Variants in KRTAP4-1 observed in about 807,000 individuals in gnomAD.
KRTAP4-1 encodes keratin associated protein 4-1.
For synonymous variants in KRTAP4-1, 52 were observed against 58.3 expected, an observed-to-expected ratio of 0.89 and a Z score of 0.50; for missense variants, 155 against 181.3, an observed-to-expected ratio of 0.85 and a Z score of 0.83.
rs571636030 is a variant in KRTAP4-1, at chr17:41,184,811, C to T, written c.44G>A (p.Cys15Tyr). 6.2e-6 allele frequency: 10 copies of T among 1,614,198 alleles called. No individual in the cohort carries two copies. In the East Asian group the frequency reaches 1.3e-4, roughly 22 times the overall value. Residue 15 changes from cysteine (C) to tyrosine (Y), a missense_variant, in exon 1 of 1, where the codon TGT becomes TAT. Physicochemically the swap from Cys to Tyr is radical, Grantham distance 194. Transcript: ENST00000398472. ...CCGSVCSDQGCDQGLCQETCC... is the reference protein window; with the variant it reads ...CCGSVCSDQGYDQGLCQETCC... ...GGTCTCTTGGCAGAGGCCTTGATCACAGCCCTGGTCAGAGCAGACAGAGCC... is the reference window on the plus strand; with the variant it reads ...GGTCTCTTGGCAGAGGCCTTGATCATAGCCCTGGTCAGAGCAGACAGAGCC...
the KRTAP4-1 span, chr17:41,184,644 G>A: frequency 1.8e-5 from 29 of 1,599,322 alleles, 1 homozygote; most frequent in Non-Finnish European, 2.4e-5. Context: ...CAGGTGGTCT[G>A]ACAACAGACT....
Position 41,184,815 on chromosome 17 carries a change from C to A in KRTAP4-1, c.40G>T (p.Gly14Cys), listed in dbSNP as rs61750930. The change falls in exon 1 of 1, where the codon GGC becomes TGC. Residue 14 changes from glycine to cysteine, a missense_variant. Gly to Cys is a radical substitution (Grantham distance 159). Coordinates refer to ENST00000398472, the MANE Select transcript of KRTAP4-1 (RefSeq NM_001386841.1). ...SCCGSVCSDQ[G>C]CDQGLCQETC... ...TCTTGGCAGAGGCCTTGATCACAGC[C>A]CTGGTCAGAGCAGACAGAGCCACAA... 6.8e-6 allele frequency: 11 copies of A among 1,614,172 alleles called. No homozygotes were observed. The highest frequency in any genetic ancestry group is 8.5e-6 in the Non-Finnish European group (10 of 1,180,024).
At position 41,184,454 on chromosome 17, in the gene KRTAP4-1, G is replaced by C; in HGVS notation, c.401C>G (p.Ala134Gly). 1.2e-6 allele frequency: 2 copies of C among 1,605,986 alleles called. No individual in the cohort carries two copies. Among genetic ancestry groups the C allele is most frequent in the South Asian group, 1.1e-5 (1 of 90,510 alleles). Reference protein sequence around the residue: ...PLCCQTTCCRATCCRPSCCGS... With the variant: ...PLCCQTTCCRGTCCRPSCCGS... ...ACAGCAGCTGGGGCGGCAGCAAGTT[G>C]CACGGCAGCAGGTGGTCTGACAGCA... is the stretch of plus-strand genomic sequence containing the variant. Residue 134 changes from alanine (A) to glycine (G), a missense_variant, in exon 1 of 1, where the codon GCA becomes GGA. Transcript: ENST00000398472.
In KRTAP4-1 at chr17:41,184,898, A is replaced by T. The variant is rs1385831549; in HGVS notation, c.-44T>A. 2 of 1,609,082 alleles carry T rather than the reference A, an allele frequency of 1.2e-6. No homozygotes were observed. Among genetic ancestry groups the T allele is most frequent in the Non-Finnish European group, 1.7e-6 (2 of 1,177,344 alleles). On this transcript the variant is annotated 5_prime_UTR_variant, in exon 1 of 1. Transcript: ENST00000398472. ...TTCTAGGTAGGTTTCCAAGACAGTG[A>T]GTTTTTCGAATGTGGGAATCTCCTT...
In KRTAP4-1 at chr17:41,184,448, C is replaced by A; in HGVS notation, c.407G>T (p.Cys136Phe). 6.2e-7 allele frequency: 1 copy of A among 1,605,910 alleles called. No homozygotes were observed. ...GGATCCACAGCAGCTGGGGCGGCAG[C>A]AAGTTGCACGGCAGCAGGTGGTCTG... is the stretch of plus-strand genomic sequence containing the variant. The part of the protein sequence containing the change: ...CCQTTCCRAT[C>F]CRPSCCGSSC The change falls in exon 1 of 1, where the codon TGC (cysteine) becomes TTC (phenylalanine). Residue 136 changes from cysteine (C) to phenylalanine (F), a missense_variant. Physicochemically the swap from Cys to Phe is radical, Grantham distance 205. Coordinates refer to ENST00000398472, the MANE Select transcript of KRTAP4-1 (RefSeq NM_001386841.1).
Position 41,184,503 on chromosome 17 carries a change from C to A in KRTAP4-1, c.352G>T (p.Val118Leu). The A allele has an allele frequency of 6.2e-7, 1 of 1,607,992 alleles. No individual in the cohort carries two copies. The highest frequency in any genetic ancestry group is 8.5e-7 in the Non-Finnish European group (1 of 1,178,234). The part of the protein sequence containing the change: ...CQTTCRPSCG[V>L]SSCCRPLCCQ... ...CAGAGTGGACGGCAGCAGCTGGACACACCACAGCTGGGGCGGCAGGTGGTC... is the reference window on the plus strand; with the variant it reads ...CAGAGTGGACGGCAGCAGCTGGACAAACCACAGCTGGGGCGGCAGGTGGTC... The change falls in exon 1 of 1, where the codon GTG becomes TTG. Residue 118 changes from valine to leucine, a missense_variant. By Grantham distance (32) the Val-to-Leu change is conservative. Coordinates refer to ENST00000398472, the MANE Select transcript of KRTAP4-1 (RefSeq NM_001386841.1).
chr17:41,184,678 G>A lies in KRTAP4-1; in HGVS notation c.177C>T (p.Cys59=). 5.6e-6 allele frequency: 9 copies of A among 1,612,098 alleles called. No individual in the cohort carries two copies. The highest frequency in any genetic ancestry group is 7.6e-6 in the Non-Finnish European group (9 of 1,178,570). Residue 59 remains cysteine, a synonymous_variant, in exon 1 of 1, where the codon TGC becomes TGT. Coordinates refer to ENST00000398472, the MANE Select transcript of KRTAP4-1 (RefSeq NM_001386841.1). ...CSQTTCCQTT[C]CRPSCCHPVC... ...CTGGGTGGCAGCAGCTGGGGCGACA[G>A]CAAGTGGTCTGGCAGCAGGTAGTCT...
Position 41,184,786 on chromosome 17 carries a change from G to T in KRTAP4-1, c.69C>A (p.Thr23=). 6.2e-7 allele frequency: 1 copy of T among 1,614,224 alleles called. No homozygotes were observed. The highest frequency in any genetic ancestry group is 8.5e-7 in the Non-Finnish European group (1 of 1,180,028). ...TCTGGCAGCAGCTGGGGCGGCAGCAGGTCTCTTGGCAGAGGCCTTGATCAC... is the reference window on the plus strand; with the variant it reads ...TCTGGCAGCAGCTGGGGCGGCAGCATGTCTCTTGGCAGAGGCCTTGATCAC... ...QGCDQGLCQE[T]CCRPSCCQTT... is the part of the protein sequence containing the mutation. Residue 23 remains threonine (T), a synonymous_variant, in exon 1 of 1, where the codon ACC becomes ACA. Coordinates refer to ENST00000398472, the MANE Select transcript of KRTAP4-1 (RefSeq NM_001386841.1).
In KRTAP4-1 at chr17:41,184,263, A is replaced by T; in HGVS notation, c.*151T>A. On this transcript the variant is annotated 3_prime_UTR_variant, in exon 1 of 1. Transcript: ENST00000398472. ...ATCCATGGGAAAAATGAGTGGTATT[A>T]AATGTAGATGGATGCCCTTTCACCA... 7.5e-7 allele frequency: 1 copy of T among 1,334,956 alleles called. No individual in the cohort carries two copies. The highest frequency in any genetic ancestry group is 1.0e-6 in the Non-Finnish European group (1 of 976,180). The allele number at this position is 1,334,956 out of a possible 1,614,324, so 82.7% of individuals were successfully genotyped here.
chr17:41,184,840 A>G lies in KRTAP4-1; in HGVS notation c.15T>C (p.Cys5=), dbSNP rs759100768. The G allele has an allele frequency of 1.6e-5, 26 of 1,613,968 alleles. No homozygotes were observed. The Admixed American group carries it at 3.8e-4, about 24-fold the overall frequency. Reference sequence around the variant, plus strand: ...CCTGGTCAGAGCAGACAGAGCCACAACAAGAGTTAACCATGGTGTCAGAGG... The same window carrying G: ...CCTGGTCAGAGCAGACAGAGCCACAGCAAGAGTTAACCATGGTGTCAGAGG... MVNS[C]CGSVCSDQGC... is the part of the protein sequence containing the mutation. The change falls in exon 1 of 1, where the codon TGT becomes TGC. Residue 5 remains cysteine, a synonymous_variant. Coordinates refer to ENST00000398472, the MANE Select transcript of KRTAP4-1 (RefSeq NM_001386841.1).
In KRTAP4-1 at chr17:41,184,757, G is replaced by C. The variant is rs2015255629; in HGVS notation, c.98C>G (p.Thr33Ser). ...TACAACACAGCTGGGGCAGCAACAGGTGGTCTGGCAGCAGCTGGGGCGGCA... is the reference window on the plus strand; with the variant it reads ...TACAACACAGCTGGGGCAGCAACAGCTGGTCTGGCAGCAGCTGGGGCGGCA... ...TCCRPSCCQT[T>S]CCCPSCVVSS... The change falls in exon 1 of 1, where the codon ACC becomes AGC. Residue 33 changes from threonine to serine, a missense_variant. Physicochemically the swap from Thr to Ser is moderately conservative, Grantham distance 58. Coordinates refer to ENST00000398472, the MANE Select transcript of KRTAP4-1 (RefSeq NM_001386841.1). 8 of 1,613,958 alleles carry C rather than the reference G, an allele frequency of 5.0e-6. No homozygotes were observed. The highest frequency in any genetic ancestry group is 6.8e-6 in the Non-Finnish European group (8 of 1,179,984).
chr17:41,184,472 T>C lies in KRTAP4-1; in HGVS notation c.383A>G (p.Gln128Arg). 1.9e-6 allele frequency: 3 copies of C among 1,610,256 alleles called. No individual in the cohort carries two copies. The highest frequency in any genetic ancestry group is 2.5e-6 in the Non-Finnish European group (3 of 1,177,420). The part of the protein sequence containing the change: ...VSSCCRPLCC[Q>R]TTCCRATCCR... ...GCAAGTTGCACGGCAGCAGGTGGTC[T>C]GACAGCAGAGTGGACGGCAGCAGCT... The change falls in exon 1 of 1, where the codon CAG (glutamine) becomes CGG (arginine). Residue 128 changes from glutamine (Q) to arginine (R), a missense_variant. Gln to Arg is a conservative substitution (Grantham distance 43). Transcript: ENST00000398472.
In KRTAP4-1 at chr17:41,184,558, C is replaced by G; in HGVS notation, c.297G>C (p.Met99Ile). ...AACAGAGTGGACGGCAGCAGCTGGA[C>G]ATACCACAGCTGGGGTGGCAGGTGG... is the stretch of plus-strand genomic sequence containing the variant. Reference protein sequence around the residue: ...CQTTCHPSCGMSSCCRPLCCQ... With the variant: ...CQTTCHPSCGISSCCRPLCCQ... The change falls in exon 1 of 1, where the codon ATG (methionine) becomes ATC (isoleucine). Residue 99 changes from methionine to isoleucine, a missense_variant. Physicochemically the swap from Met to Ile is conservative, Grantham distance 10. Coordinates refer to ENST00000398472, the MANE Select transcript of KRTAP4-1 (RefSeq NM_001386841.1). The G allele has an allele frequency of 3.8e-5, 33 of 863,820 alleles. No individual in the cohort carries two copies. The South Asian group carries it at 6.8e-4, about 18-fold the overall frequency. 53.5% of individuals were successfully genotyped at this position (863,820 alleles called of 1,614,324 possible).
In KRTAP4-1 at chr17:41,184,809, C is replaced by A. The variant is rs757270485; in HGVS notation, c.46G>T (p.Asp16Tyr). 1 of 1,614,226 alleles carries A rather than the reference C, an allele frequency of 6.2e-7. No individual in the cohort carries two copies. Among genetic ancestry groups the A allele is most frequent in the South Asian group, 1.1e-5 (1 of 91,054 alleles). The change falls in exon 1 of 1, where the codon GAT becomes TAT. Residue 16 changes from aspartate to tyrosine, a missense_variant. By Grantham distance (160) the Asp-to-Tyr change is radical (BLOSUM62 -3). Transcript: ENST00000398472. ...CAGGTCTCTTGGCAGAGGCCTTGATCACAGCCCTGGTCAGAGCAGACAGAG... is the reference window on the plus strand; with the variant it reads ...CAGGTCTCTTGGCAGAGGCCTTGATAACAGCCCTGGTCAGAGCAGACAGAG... ...CGSVCSDQGC[D>Y]QGLCQETCCR... is the part of the protein sequence containing the mutation.
Position 41,184,682 on chromosome 17 carries a change from G to A in KRTAP4-1, c.173C>T (p.Thr58Ile), listed in dbSNP as rs371528617. The A allele has an allele frequency of 1.9e-6, 3 of 1,612,196 alleles. No individual in the cohort carries two copies. Among genetic ancestry groups the A allele is most frequent in the East Asian group, 4.5e-5 (2 of 44,792 alleles). ...GTGGCAGCAGCTGGGGCGACAGCAA[G>A]TGGTCTGGCAGCAGGTAGTCTGAGA... is the stretch of plus-strand genomic sequence containing the variant. ...SCSQTTCCQT[T>I]CCRPSCCHPV... The change falls in exon 1 of 1, where the codon ACT becomes ATT. Residue 58 changes from threonine to isoleucine, a missense_variant. Thr to Ile is a moderately conservative substitution (Grantham distance 89, BLOSUM62 -1). Coordinates refer to ENST00000398472, the MANE Select transcript of KRTAP4-1 (RefSeq NM_001386841.1).
In KRTAP4-1 at chr17:41,184,735, A is replaced by C; in HGVS notation, c.120T>G (p.Val40=). Residue 40 remains valine (V), a synonymous_variant, in exon 1 of 1, where the codon GTT becomes GTG. Coordinates refer to ENST00000398472, the MANE Select transcript of KRTAP4-1 (RefSeq NM_001386841.1). The part of the protein sequence containing the change: ...CQTTCCCPSC[V]VSSCCRPSCS... ...AGGATGGGCGGCAGCAGCTGGATAC[A>C]ACACAGCTGGGGCAGCAACAGGTGG... 1 of 1,614,048 alleles carries C rather than the reference A, an allele frequency of 6.2e-7. No homozygotes were observed. Among genetic ancestry groups the C allele is most frequent in the Non-Finnish European group, 8.5e-7 (1 of 1,180,008 alleles).
At position 41,184,810 on chromosome 17, in the gene KRTAP4-1, A is replaced by G; in HGVS notation, c.45T>C (p.Cys15=). The stretch of plus-strand genomic sequence containing the variant: ...AGGTCTCTTGGCAGAGGCCTTGATC[A>G]CAGCCCTGGTCAGAGCAGACAGAGC... The part of the protein sequence containing the change: ...CCGSVCSDQG[C]DQGLCQETCC... Residue 15 remains cysteine (C), a synonymous_variant, in exon 1 of 1, where the codon TGT becomes TGC. Transcript: ENST00000398472. 1 of 1,614,222 alleles carries G rather than the reference A, an allele frequency of 6.2e-7. No individual in the cohort carries two copies. The highest frequency in any genetic ancestry group is 8.5e-7 in the Non-Finnish European group (1 of 1,180,040).
Position 41,184,220 on chromosome 17 carries a change from G to T in KRTAP4-1, c.*194C>A. ...TAACTGCATCATGCATCTGAGGTCT[G>T]AATGCTGCTGGGAAGAGATCCATGG... On this transcript the variant is annotated 3_prime_UTR_variant, in exon 1 of 1. Transcript: ENST00000398472. The T allele has an allele frequency of 1.2e-6, 1 of 847,648 alleles. No homozygotes were observed. Among genetic ancestry groups the T allele is most frequent in the Non-Finnish European group, 1.6e-6 (1 of 619,776 alleles). The allele number at this position is 847,648 out of a possible 1,614,324, so 52.5% of individuals were successfully genotyped here.
Position 41,184,635 on chromosome 17 carries a change from A to C in KRTAP4-1, c.220T>G (p.Cys74Gly). ...CTGGACACACCACAGCTGGGGCGGC[A>C]GGTGGTCTGACAACAGACTGGGTGG... is the stretch of plus-strand genomic sequence containing the variant. ...CCHPVCCQTT[C>G]RPSCGVSSCC... The change falls in exon 1 of 1, where the codon TGC becomes GGC. Residue 74 changes from cysteine (C) to glycine (G), a missense_variant. By Grantham distance (159) the Cys-to-Gly change is radical. Transcript: ENST00000398472. The C allele has an allele frequency of 6.3e-7, 1 of 1,598,842 alleles. No individual in the cohort carries two copies. Among genetic ancestry groups the C allele is most frequent in the East Asian group, 2.3e-5 (1 of 44,048 alleles).
Sources: gnomAD v4.1 joint callset for allele counts on GRCh38, gnomAD v4.1.1 for gene constraint, MANE v1.5 for transcripts, NCBI Gene and HGNC (gene_info 2026-07-23, HGNC 2026-07-21) for gene names.